Variants in PRKCZ observed in about 807,000 individuals in gnomAD.
The protein encoded by PRKCZ is protein kinase C zeta type.
A neutral mutation model predicts 79.5 loss-of-function variants in PRKCZ; 33 were observed. The ratio of observed to expected loss-of-function variants is 0.41; its 90% CI spans 0.31 to 0.55. PRKCZ has a LOEUF of 0.55. Ranked by LOEUF, PRKCZ falls within the 20% of genes least tolerant of loss-of-function variation. The probability of loss-of-function intolerance (pLI) is 0.19; values close to 1 mark genes in which losing one functional copy is unlikely to be tolerated. For missense variants in PRKCZ, 578 were observed against 813.5 expected (o/e 0.71, Z 3.52); for synonymous variants, 342 against 320.9 (o/e 1.07, Z -0.70).
At chr1:2,150,029 G>A (rs1464956018) in intron 8 of PRKCZ, among the ~76,000 whole-genome samples, 2 of 151,622 alleles carry the variant, frequency 1.3e-5, no homozygotes, top group Non-Finnish European at 2.9e-5. Flanking sequence ...GGGCGTGGTG[G>A]CGGGCGCCTG....
intron 4 of PRKCZ, among the ~76,000 whole-genome samples, chr1:2,067,756 G>A (rs958681295): frequency 9.2e-5 from 14 of 152,210 alleles, no homozygotes; most frequent in African/African-American, 3.1e-4. Flanking sequence ...GTAGATTCCC[G>A]GGTACCTCTT....
chr1:2,051,308 T>C (rs1659625749), intron 1 of PRKCZ, among the ~76,000 whole-genome samples: 1 of 152,178 alleles, frequency 6.6e-6, no homozygotes, highest in Non-Finnish European at 1.5e-5. Flanking sequence ...GGTCAGGTGC[T>C]GGAGCGGAGG....
chr1:2,094,671 G>A lies in PRKCZ; in HGVS notation c.334+35080G>A, dbSNP rs1407027221. Among the ~76,000 whole-genome samples the A allele has an allele frequency of 2.9e-5, 4 of 138,240 alleles. No individual in the cohort carries two copies. The highest frequency in any genetic ancestry group is 2.3e-4 in the East Asian group (1 of 4,444). 90.7% of individuals were successfully genotyped at this position (138,240 alleles called of 152,430 possible). Reference sequence around the variant, plus strand: ...GTGCCCGGCTCGTTGAACCTTGGGCGCTGCCCGTTCTGAGGCGCCCGCTGT... The same window carrying A: ...GTGCCCGGCTCGTTGAACCTTGGGCACTGCCCGTTCTGAGGCGCCCGCTGT... On this transcript the variant is annotated intron_variant, in intron 4 of 17. Transcript: ENST00000378567. The surrounding 1 kb of genome is among the most constrained non-coding windows in gnomAD (Gnocchi z 7.3).
intron 16 of PRKCZ, 150 bp downstream of exon 16, chr1:2,175,463 AACCCTCACCCC>A (rs1474710468): frequency 3.0e-5 from 16 of 527,594 alleles, no homozygotes; most frequent in Non-Finnish European, 4.4e-5. Context: ...AAATTCATCC[AACCCTCACCCC>A]ACCACCAACC....
At chr1:2,065,156 G>A (rs1191141351) in intron 4 of PRKCZ, among the ~76,000 whole-genome samples, 3 of 152,194 alleles carry the variant, frequency 2.0e-5, no homozygotes, top group Non-Finnish European at 4.4e-5. Flanking sequence ...TTTATTGTAA[G>A]TGTATAAAAG....
chr1:2,062,679 G>A (rs1660795311), intron 4 of PRKCZ, among the ~76,000 whole-genome samples: 2 of 151,400 alleles, frequency 1.3e-5, no homozygotes, highest in South Asian at 4.2e-4. Context: ...GTAGAGTTGG[G>A]GTTTTACCAT....
chr1:2,076,493 AG>A (rs1662448510), intron 4 of PRKCZ, among the ~76,000 whole-genome samples: 2 of 152,198 alleles, frequency 1.3e-5, no homozygotes, highest in Admixed American at 6.5e-5. Context: ...CTGTATTACC[AG>A]CACTTTGGGA....
intron 1 of PRKCZ, among the ~76,000 whole-genome samples, chr1:2,051,743 C>T (rs943061634): frequency 6.6e-6 from 1 of 152,104 alleles, no homozygotes; most frequent in Non-Finnish European, 1.5e-5. Flanking sequence ...CTATGGTGCC[C>T]TGCGAGTCTG....
At chr1:2,142,322 C>T (rs1166230888) in intron 5 of PRKCZ, 13 of 153,744 alleles carry the variant, frequency 8.5e-5, no homozygotes, top group African/African-American at 1.3e-4. Context: ...TCCAGGCATC[C>T]AGCAGCCGAA....
chr1:2,098,697 T>TG (rs1666951178), intron 4 of PRKCZ: 1 of 149,656 alleles, frequency 6.7e-6, no homozygotes, highest in African/African-American at 2.5e-5. Flanking sequence ...TGTTTTGTTT[T>TG]TTTAGACAGA....
rs139032107 is a variant in PRKCZ, at chr1:2,125,052, G to A, written c.335-10210G>A. On this transcript the variant is annotated intron_variant, in intron 4 of 17. Coordinates refer to ENST00000378567, the MANE Select transcript of PRKCZ (RefSeq NM_002744.6). This position sits in a 1 kb window ranked among gnomAD's most constrained non-coding sequence, Gnocchi z 4.2. ...GGCCTTGCCAGCCTGGCTCTGTGCC[G>A]GGCGCTGGGCAATCTCTGCCTCCAG... is the stretch of plus-strand genomic sequence containing the variant. 0.016 allele frequency among the ~76,000 whole-genome samples: 2,366 copies of A among 152,244 alleles called. 27 individuals are homozygous for A. The highest frequency in any genetic ancestry group is 0.022 in the Non-Finnish European group (1,480 of 67,996).
At chr1:2,052,354 G>A (rs946584558) in intron 1 of PRKCZ, among the ~76,000 whole-genome samples, 2 of 151,872 alleles carry the variant, frequency 1.3e-5, no homozygotes, top group African/African-American at 4.8e-5. Flanking sequence ...TGGTTTCCCA[G>A]GCTGGAGAGA....
intron 4 of PRKCZ, among the ~76,000 whole-genome samples, chr1:2,070,998 G>A (rs1231336184): frequency 6.6e-6 from 1 of 151,380 alleles, no homozygotes; most frequent in Non-Finnish European, 1.5e-5. Context: ...CAGGGACGTG[G>A]AGGGTGCTGG....
chr1:2,060,183 C>T (rs554630998), intron 4 of PRKCZ, among the ~76,000 whole-genome samples: 11 of 152,280 alleles, frequency 7.2e-5, no homozygotes, highest in South Asian at 2.1e-4. Flanking sequence ...AGACCCCACA[C>T]GGCCTCCAGC....
chr1:2,164,933 G>A (rs770325279), intron 10 of PRKCZ, among the ~76,000 whole-genome samples: 2 of 152,154 alleles, frequency 1.3e-5, no homozygotes, highest in Non-Finnish European at 2.9e-5. Flanking sequence ...CCCAGGCCGT[G>A]TCTCCTGGCT....
At chr1:2,144,698 T>C (rs1678133023) in intron 6 of PRKCZ, 1 of 979,544 alleles carries the variant, frequency 1.0e-6, no homozygotes, top group African/African-American at 1.7e-5. Context: ...CCTAGTAGCA[T>C]TGGGCACGCT....
intron 7 of PRKCZ, 104 bp downstream of exon 7, chr1:2,146,212 A>G (rs1678481914): frequency 8.6e-7 from 1 of 1,168,114 alleles, no homozygotes. Context: ...TCTGCTCTGC[A>G]GGGGTCATTG....
intron 4 of PRKCZ, among the ~76,000 whole-genome samples, chr1:2,112,497 G>A (rs1669939817): frequency 6.6e-6 from 1 of 152,212 alleles, no homozygotes. Context: ...AGAGGCCCAT[G>A]CTGAGGTCCC....
At chr1:2,108,679 C>G (rs1216157355) in intron 4 of PRKCZ, among the ~76,000 whole-genome samples, 1 of 152,210 alleles carries the variant, frequency 6.6e-6, no homozygotes, top group East Asian at 1.9e-4. Context: ...GCCCCGAGTC[C>G]CCAGGGCTGT....
Sources: gnomAD v4.1 joint callset for allele counts (sites outside exome capture counted in the v4.1 genomes callset) on GRCh38, gnomAD v4.1.1 for gene constraint, Gnocchi (gnomAD v3.1) non-coding constraint, MANE v1.5 for transcripts, NCBI Gene and HGNC (gene_info 2026-07-23, HGNC 2026-07-21) for gene names.